The following NAALADL2 variants were observed in gnomAD, a reference collection of about 807,000 sequenced individuals.
NAALADL2 encodes the protein N-acetylated alpha-linked acidic dipeptidase like 2.
In NAALADL2, 76 loss-of-function variants were observed where a neutral mutation model predicts 87.2. That is an observed-to-expected ratio of 0.87 (90% confidence interval 0.72 to 1.05). NAALADL2 has a LOEUF of 1.05. NAALADL2 is among the 50% of genes least tolerant of loss of function. The pLI is 0.00. For missense variants in NAALADL2, 1,089 were observed against 945.8 expected (o/e 1.15, Z -1.99); for synonymous variants, 354 against 331.0 (o/e 1.07, Z -0.75).
intron 5 of NAALADL2, among the ~76,000 whole-genome samples, chr3:175,380,771 G>A (rs912548989): frequency 6.6e-6 from 1 of 152,080 alleles, no homozygotes; most frequent in African/African-American, 2.4e-5. Flanking sequence ...TATTACAGAT[G>A]CCATTTAACT....
At chr3:174,449,992 A>G (rs1278716626) in intron 1 of NAALADL2, among the ~76,000 whole-genome samples, 2 of 150,342 alleles carry the variant, frequency 1.3e-5, no homozygotes, top group Non-Finnish European at 3.0e-5. Context: ...ATATATATAC[A>G]CACACATATA....
rs1039406841 is a variant in NAALADL2, at chr3:175,295,291, T to C, written c.940-28884T>C. Among the ~76,000 whole-genome samples, 3 of 152,146 alleles carry C rather than the reference T, an allele frequency of 2.0e-5. No individual in the cohort carries two copies. In the East Asian group the frequency reaches 5.8e-4, roughly 29 times the overall value. Reference sequence around the variant, plus strand: ...AAGTTGGCCAAGTGGGATTATCCATTATAGTTCAACCCACTGAGTGCTGGA... The same window carrying C: ...AAGTTGGCCAAGTGGGATTATCCATCATAGTTCAACCCACTGAGTGCTGGA... On this transcript the variant is annotated intron_variant, in intron 4 of 13. Coordinates refer to ENST00000454872, the MANE Select transcript of NAALADL2 (RefSeq NM_207015.3).
chr3:174,970,046 C>G (rs981905683), intron 1 of NAALADL2, among the ~76,000 whole-genome samples: 1 of 152,038 alleles, frequency 6.6e-6, no homozygotes, highest in Non-Finnish European at 1.5e-5. Flanking sequence ...TTGGAAAGTT[C>G]TAATATTTAA....
At chr3:175,595,403 T>C (rs1722117015) in intron 10 of NAALADL2, among the ~76,000 whole-genome samples, 1 of 152,086 alleles carries the variant, frequency 6.6e-6, no homozygotes, top group Non-Finnish European at 1.5e-5. Context: ...AGTGTAGCCT[T>C]GTAGTGTAGT....
At chr3:174,522,477 A>C (rs562152603) in intron 1 of NAALADL2, among the ~76,000 whole-genome samples, 6 of 152,006 alleles carry the variant, frequency 3.9e-5, no homozygotes, top group Non-Finnish European at 8.8e-5. Flanking sequence ...CTTGGATAAC[A>C]TAGACTTCAT....
chr3:175,409,295 A>C (rs1475607047), intron 5 of NAALADL2, among the ~76,000 whole-genome samples: 1 of 151,970 alleles, frequency 6.6e-6, no homozygotes, highest in Non-Finnish European at 1.5e-5. Flanking sequence ...AAAAGAAAGA[A>C]AATAAATATG....
chr3:174,730,331 A>AT (rs966489945), intron 2 of NAALADL2, among the ~76,000 whole-genome samples: 11 of 152,024 alleles, frequency 7.2e-5, no homozygotes, highest in African/African-American at 2.7e-4. Flanking sequence ...AAATTTGTGA[A>AT]TTTTAAGTTT....
chr3:175,018,161 T>G (rs1580052669), intron 1 of NAALADL2, among the ~76,000 whole-genome samples: 1 of 152,098 alleles, frequency 6.6e-6, no homozygotes, highest in Admixed American at 6.6e-5. Flanking sequence ...AGTAAAGATG[T>G]ACAGGGATGA....
chr3:174,944,580 G>A (rs1030039399), intron 1 of NAALADL2, among the ~76,000 whole-genome samples: 8 of 152,112 alleles, frequency 5.3e-5, no homozygotes, highest in African/African-American at 1.9e-4. Flanking sequence ...TCTTTCCTAG[G>A]GGTATGAGGA....
At chr3:175,701,519 C>T (rs1237839612) in intron 11 of NAALADL2, among the ~76,000 whole-genome samples, 2 of 151,838 alleles carry the variant, frequency 1.3e-5, no homozygotes, top group Admixed American at 6.6e-5. Flanking sequence ...ACGTATTTAC[C>T]AAAAAATGGC....
At chr3:175,368,497 C>T (rs1439946288) in intron 5 of NAALADL2, among the ~76,000 whole-genome samples, 1 of 151,878 alleles carries the variant, frequency 6.6e-6, no homozygotes, top group African/African-American at 2.4e-5. Context: ...AAAATAGTTA[C>T]ATTTTACAAA....
intron 2 of NAALADL2, among the ~76,000 whole-genome samples, chr3:174,561,932 G>C (rs902269947): frequency 2.0e-5 from 3 of 152,032 alleles, no homozygotes; most frequent in African/African-American, 7.2e-5. Context: ...TTGTAAAAAT[G>C]TTCTTTGTCA....
chr3:175,379,683 G>A (rs1236841142), intron 5 of NAALADL2, among the ~76,000 whole-genome samples: 1 of 151,882 alleles, frequency 6.6e-6, no homozygotes, highest in East Asian at 1.9e-4. Context: ...GAGATTACAG[G>A]TGTGAGCCAC....
intron 2 of NAALADL2, among the ~76,000 whole-genome samples, chr3:174,556,153 G>A (rs574823313): frequency 6.6e-6 from 1 of 152,214 alleles, no homozygotes; most frequent in South Asian, 2.1e-4. Context: ...CAGTTTAGAT[G>A]TCAGGAAAAG....
chr3:174,722,126 T>A (rs1375741198), intron 2 of NAALADL2, among the ~76,000 whole-genome samples: 1 of 152,144 alleles, frequency 6.6e-6, no homozygotes, highest in African/African-American at 2.4e-5. Flanking sequence ...CTTATTTACC[T>A]GTAACAGTAT....
At chr3:174,780,865 T>C (rs1715879787) in intron 3 of NAALADL2, among the ~76,000 whole-genome samples, 2 of 152,124 alleles carry the variant, frequency 1.3e-5, no homozygotes, top group Non-Finnish European at 2.9e-5. Context: ...TGCAGTTTCT[T>C]CGTACTGTTG....
chr3:175,623,324 A>G (rs1726502126), intron 10 of NAALADL2, among the ~76,000 whole-genome samples: 1 of 151,542 alleles, frequency 6.6e-6, no homozygotes, highest in Non-Finnish European at 1.5e-5. Context: ...AATGTAAAAT[A>G]CTTCCATTTT....
chr3:174,797,298 C>CTTTTTTTTTTTTTGTTTTTTT (rs765233495), intron 3 of NAALADL2, among the ~76,000 whole-genome samples: 2 of 97,728 alleles, frequency 2.0e-5, no homozygotes, highest in Non-Finnish European at 3.9e-5. Context: ...TTTTGTTTTT[C>CTTTTTTTTTTTTTGTTTTTTT]TTTTTTCTTT....
At chr3:175,477,492 T>A (rs1194095495) in intron 9 of NAALADL2, among the ~76,000 whole-genome samples, 1 of 152,084 alleles carries the variant, frequency 6.6e-6, no homozygotes, top group African/African-American at 2.4e-5. Context: ...TTAGAGCTGT[T>A]GAAAGGGGAA....
Sources: gnomAD v4.1 joint callset for allele counts (sites outside exome capture counted in the v4.1 genomes callset) on GRCh38, gnomAD v4.1.1 for gene constraint, MANE v1.5 for transcripts, NCBI Gene and HGNC (gene_info 2026-07-23, HGNC 2026-07-21) for gene names.